The following SPACA3 variants were observed in gnomAD, a reference collection of about 807,000 sequenced individuals.
SPACA3 encodes sperm acrosome associated 3, also known as sperm acrosome membrane-associated protein 3.
Under a neutral mutation model 24.5 loss-of-function variants are expected in SPACA3, and 21 were observed. The observed-to-expected ratio is 0.86, with a 90% CI of 0.61 to 1.24. SPACA3 has a LOEUF of 1.24. Ranked by LOEUF, SPACA3 falls within the 50% of genes most tolerant of loss-of-function variation. The pLI, the probability that SPACA3 is intolerant of heterozygous loss-of-function variation, is 0.00. For missense variants in SPACA3, 278 were observed against 275.5 expected (o/e 1.01, Z -0.06); for synonymous variants, 115 against 106.9 (o/e 1.08, Z -0.47).
chr17:32,996,996 G>A lies in SPACA3; in HGVS notation c.497G>A (p.Cys166Tyr). The A allele has an allele frequency of 6.6e-7, 1 of 1,525,382 alleles. No individual in the cohort carries two copies. The highest frequency in any genetic ancestry group is 2.4e-5 in the East Asian group (1 of 41,616). 94.5% of individuals were successfully genotyped at this position (1,525,382 alleles called of 1,614,324 possible). ...GTCCCCAACGTGTGCCGGATGTACT[G>A]CTCAGGTAGCTGGGCCTGGGCCCAG... ...PNVPNVCRMY[C>Y]SDLLNPNLKD... The change falls in exon 3 of 5, where the codon TGC (cysteine) becomes TAC (tyrosine). Residue 166 changes from cysteine to tyrosine, a missense_variant. By Grantham distance (194) the Cys-to-Tyr change is radical. Transcript: ENST00000269053.
In SPACA3 at chr17:32,995,831, T is replaced by C; in HGVS notation, c.343+114T>C. The C allele has an allele frequency of 3.3e-6, 4 of 1,195,296 alleles. No homozygotes were observed. The South Asian group carries it at 4.8e-5, about 14-fold the overall frequency. 74.0% of individuals were successfully genotyped at this position (1,195,296 alleles called of 1,614,324 possible). On this transcript the variant is annotated intron_variant, in intron 2 of 4. Coordinates refer to ENST00000269053, the MANE Select transcript of SPACA3 (RefSeq NM_173847.5). ...GCTTCGGGAGCTTTTAGAGCCCTTC[T>C]GTAAACTGAAGATGATTTGAGATGG...
chr17:32,993,926 C>A (rs1248286165), intron 1 of SPACA3, among the ~76,000 whole-genome samples: 1 of 151,938 alleles, frequency 6.6e-6, no homozygotes, highest in African/African-American at 2.4e-5. Flanking sequence ...GAAGATGGGC[C>A]TGCATGAGAT....
chr17:32,992,187 A>C (rs1277399942), intron 1 of SPACA3, among the ~76,000 whole-genome samples: 2 of 14,296 alleles, frequency 1.4e-4, no homozygotes, highest in Non-Finnish European at 2.7e-4. Context: ...ACTTTTCTAC[A>C]AAAAAAAAAA....
Position 32,995,447 on chromosome 17 carries a change from G to T in SPACA3, c.73G>T (p.Gly25Ter), listed in dbSNP as rs2091715763. ...CCCTGTTTCTTCTCCTTCTGTGAGT[G>T]GACCACGGAGGCTGGTGAGCTGCCT... ...SSPVSSPSVS[G>*]PRRLVSCLSS... Residue 25 changes from glycine to a stop codon, truncating the protein, a stop_gained, in exon 2 of 5, where the codon GGA (glycine) becomes TGA (stop). Coordinates refer to ENST00000269053, the MANE Select transcript of SPACA3 (RefSeq NM_173847.5). LOFTEE classifies it high-confidence loss of function. The T allele has an allele frequency of 6.2e-7, 1 of 1,611,946 alleles. No individual in the cohort carries two copies. The highest frequency in any genetic ancestry group is 1.7e-5 in the Admixed American group (1 of 59,974).
At chr17:32,992,357 G>T (rs1399098130) in intron 1 of SPACA3, among the ~76,000 whole-genome samples, 1 of 152,138 alleles carries the variant, frequency 6.6e-6, no homozygotes, top group Non-Finnish European at 1.5e-5. Flanking sequence ...TCAAAGACTT[G>T]ACAAACTCCA....
At chr17:32,993,717 G>C (rs183289360) in intron 1 of SPACA3, among the ~76,000 whole-genome samples, 1 of 152,036 alleles carries the variant, frequency 6.6e-6, no homozygotes, top group Non-Finnish European at 1.5e-5. Context: ...GAGTTTGGGC[G>C]AGAAGAGGGG....
chr17:32,995,830 C>A, intron 2 of SPACA3, 113 bp downstream of exon 2: 1 of 1,198,070 alleles, frequency 8.3e-7, no homozygotes, highest in Non-Finnish European at 1.2e-6. Context: ...TAGAGCCCTT[C>A]TGTAAACTGA....
Position 32,997,789 on chromosome 17 carries a change from AC to A in SPACA3, c.*13del, listed in dbSNP as rs1426065531. 1 of 1,613,990 alleles carries A rather than the reference AC, an allele frequency of 6.2e-7. No individual in the cohort carries two copies. Among genetic ancestry groups the A allele is most frequent in the Non-Finnish European group, 8.5e-7 (1 of 1,179,972 alleles). ...GGCTGTGACTTCTAGGATGGACGGA[AC>A]CATGCACAGCAGGCTGGGAAATGTG... On this transcript the variant is annotated 3_prime_UTR_variant, in exon 5 of 5. Transcript: ENST00000269053.
intron 2 of SPACA3, 37 bp from the exon 3 acceptor site, chr17:32,996,806 C>G (rs779805083): frequency 6.8e-7 from 1 of 1,469,590 alleles, no homozygotes; most frequent in Admixed American, 2.3e-5. Flanking sequence ...GTGGCTGTAA[C>G]CATCTGACCC....
intron 2 of SPACA3, 72 bp downstream of exon 2, chr17:32,995,789 C>T: frequency 6.6e-7 from 1 of 1,513,586 alleles, no homozygotes; most frequent in Non-Finnish European, 8.9e-7. Flanking sequence ...CTCTCTCCTT[C>T]TCATTCAAGG....
chr17:32,992,020 G>T (rs776307334), intron 1 of SPACA3, 48 bp downstream of exon 1: 10 of 1,605,820 alleles, frequency 6.2e-6, no homozygotes, highest in African/African-American at 1.3e-5. Context: ...GGGGCGCTGG[G>T]TTGGTCTGGC....
chr17:32,996,823 C>T lies in SPACA3; in HGVS notation c.344-20C>T. On this transcript the variant is annotated intron_variant, in intron 2 of 4. Coordinates refer to ENST00000269053, the MANE Select transcript of SPACA3 (RefSeq NM_173847.5). ...GGCTGTAACCATCTGACCCCCAGGCCTATGCTCTGCCCTATGCAGGGGTCT... is the reference window on the plus strand; with the variant it reads ...GGCTGTAACCATCTGACCCCCAGGCTTATGCTCTGCCCTATGCAGGGGTCT... 2.0e-6 allele frequency: 3 copies of T among 1,519,098 alleles called. No individual in the cohort carries two copies. Among genetic ancestry groups the T allele is most frequent in the Non-Finnish European group, 2.7e-6 (3 of 1,130,622 alleles). 94.1% of individuals were successfully genotyped at this position (1,519,098 alleles called of 1,614,324 possible).
chr17:32,993,240 G>A (rs1035350336), intron 1 of SPACA3, among the ~76,000 whole-genome samples: 3 of 152,244 alleles, frequency 2.0e-5, no homozygotes, highest in Admixed American at 1.3e-4. Flanking sequence ...TGCTGGGTTT[G>A]AGGTGCCTGC....
At chr17:32,996,488 C>CA (rs71144856) in intron 2 of SPACA3, among the ~76,000 whole-genome samples, 4,518 of 103,280 alleles carry the variant, frequency 0.044, 138 homozygotes, top group South Asian at 0.1. Flanking sequence ...GACTCCGTCT[C>CA]AAAAAAAAAA....
chr17:32,997,634 C>T, intron 4 of SPACA3, 78 bp from the exon 5 acceptor site: 2 of 1,554,694 alleles, frequency 1.3e-6, no homozygotes, highest in Non-Finnish European at 1.8e-6. Context: ...ACCACACTCT[C>T]CTTCTTGTTC....
chr17:32,995,082 C>T (rs1001159677), intron 1 of SPACA3, among the ~76,000 whole-genome samples: 4 of 152,160 alleles, frequency 2.6e-5, no homozygotes, highest in African/African-American at 7.2e-5. Flanking sequence ...CTGAGAGACC[C>T]ATGAACACAC....
rs140846693 is a variant in SPACA3, at chr17:32,997,344, T to TGTGTGTGTGTAG, written c.503-101_503-100insGTGTGTGTGTAG. On this transcript the variant is annotated intron_variant, in intron 3 of 4. Coordinates refer to ENST00000269053, the MANE Select transcript of SPACA3 (RefSeq NM_173847.5). ...GTGTGTGTGTGTGTGTGTGTGTGTG[T>TGTGTGTGTGTAG]AGAGAGAGAGAGAGAGACAGACAGA... 6.9e-3 allele frequency: 4,138 copies of TGTGTGTGTGTAG among 602,388 alleles called. 7 individuals carry two copies. Among genetic ancestry groups the TGTGTGTGTGTAG allele is most frequent in the Non-Finnish European group, 9.1e-3 (3,188 of 349,370 alleles). The allele number at this position is 602,388 out of a possible 1,614,324, so 37.3% of individuals were successfully genotyped here. A position where few individuals can be genotyped will look rare whatever the true frequency, so the allele number is the denominator to read the frequency against.
chr17:32,993,085 G>A, intron 1 of SPACA3: 1 of 381,578 alleles, frequency 2.6e-6, no homozygotes, highest in Admixed American at 3.7e-5. Flanking sequence ...TTGGAACTGG[G>A]TGAAAGATGT....
chr17:32,996,838 T>A lies in SPACA3; in HGVS notation c.344-5T>A. 1 of 1,577,550 alleles carries A rather than the reference T, an allele frequency of 6.3e-7. No homozygotes were observed. The highest frequency in any genetic ancestry group is 8.6e-7 in the Non-Finnish European group (1 of 1,161,402). Reference sequence around the variant, plus strand: ...ACCCCCAGGCCTATGCTCTGCCCTATGCAGGGGTCTGCCTTGCTTATTTCA... The same window carrying A: ...ACCCCCAGGCCTATGCTCTGCCCTAAGCAGGGGTCTGCCTTGCTTATTTCA... On this transcript the variant is annotated splice_polypyrimidine_tract_variant and splice_region_variant and intron_variant, in intron 2 of 4. Coordinates refer to ENST00000269053, the MANE Select transcript of SPACA3 (RefSeq NM_173847.5).
Sources: gnomAD v4.1 joint callset for allele counts (sites outside exome capture counted in the v4.1 genomes callset) on GRCh38, gnomAD v4.1.1 for gene constraint, MANE v1.5 for transcripts, NCBI Gene and HGNC (gene_info 2026-07-23, HGNC 2026-07-21) for gene names.